Variants in NIPBL observed in about 807,000 individuals in gnomAD.
NIPBL encodes NIPBL cohesin loading factor, also known as nipped-B-like protein.
In NIPBL, 19 loss-of-function variants were observed where a neutral mutation model predicts 321.8. That is an observed-to-expected ratio of 0.06 (90% CI 0.04 to 0.09). The LOEUF is 0.09. Among genes scored for constraint, NIPBL ranks in the 10% least tolerant of loss-of-function variants. The probability of loss-of-function intolerance (pLI) is 1.00; values close to 1 mark genes in which losing one functional copy is unlikely to be tolerated. For missense variants in NIPBL, 2,210 were observed against 3,327.0 expected (o/e 0.66, Z 8.26); for synonymous variants, 1,106 against 1,114.1 (o/e 0.99, Z 0.14).
intron 27 of NIPBL, 30 bp from the exon 28 acceptor site, chr5:37,022,018 AAAT>A: frequency 6.4e-7 from 1 of 1,558,490 alleles, no homozygotes; most frequent in Non-Finnish European, 8.8e-7. Flanking sequence ...ATGTATTCTA[AAAT>A]TTACAAAAAT....
chr5:36,973,044 T>C (rs1017480732), intron 8 of NIPBL, among the ~76,000 whole-genome samples: 1 of 152,192 alleles, frequency 6.6e-6, no homozygotes, highest in African/African-American at 2.4e-5. Context: ...ATTCACAAAA[T>C]TGTGAATTTA....
In NIPBL at chr5:36,958,181, G is replaced by A; in HGVS notation, c.308G>A (p.Ser103Asn). 1.9e-6 allele frequency: 3 copies of A among 1,613,948 alleles called. No individual in the cohort carries two copies. Among genetic ancestry groups the A allele is most frequent in the Non-Finnish European group, 2.5e-6 (3 of 1,179,948 alleles). The change falls in exon 4 of 47, where the codon AGT (serine) becomes AAT (asparagine). Residue 103 changes from serine (S) to asparagine (N), a missense_variant. By Grantham distance (46) the Ser-to-Asn change is conservative (BLOSUM62 1). Transcript: ENST00000282516. ...PVLLQAVLAR[S>N]PNVFREKSMQ... ...TTGTTGCAGGCCGTCCTGGCAAGGA[G>A]TCCTAATGTTTTCAGGGAGAAAAGC...
Position 37,006,461 on chromosome 5 carries a change from C to A in NIPBL, c.3960C>A (p.Ser1320=). The change falls in exon 17 of 47, where the codon TCC becomes TCA. Residue 1320 remains serine (S), a synonymous_variant. Coordinates refer to ENST00000282516, the MANE Select transcript of NIPBL (RefSeq NM_133433.4). Reference sequence around the variant, plus strand: ...TTACAACTATCAACATTATGACATCCCCTAACATGCCAAAAGCTGTGTACA... The same window carrying A: ...TTACAACTATCAACATTATGACATCACCTAACATGCCAAAAGCTGTGTACA... ...ACLTTINIMT[S]PNMPKAVYIE... is the part of the protein sequence containing the mutation. 6.2e-7 allele frequency: 1 copy of A among 1,611,824 alleles called. No homozygotes were observed. Among genetic ancestry groups the A allele is most frequent in the Non-Finnish European group, 8.5e-7 (1 of 1,178,212 alleles).
intron 1 of NIPBL, among the ~76,000 whole-genome samples, chr5:36,943,703 A>G (rs1219500081): frequency 6.6e-6 from 1 of 152,166 alleles, no homozygotes; most frequent in African/African-American, 2.4e-5. Flanking sequence ...CAGAAGCACT[A>G]TTTTAAAATC....
intron 32 of NIPBL, among the ~76,000 whole-genome samples, chr5:37,034,320 A>G (rs1490542631): frequency 6.6e-6 from 1 of 152,234 alleles, no homozygotes; most frequent in Admixed American, 6.5e-5. Context: ...TCATAAAATT[A>G]TCTCATAAAA....
chr5:36,946,574 C>CTG (rs199772420), intron 1 of NIPBL, among the ~76,000 whole-genome samples: 1,340 of 75,628 alleles, frequency 0.018, 11 homozygotes, highest in African/African-American at 0.08. Flanking sequence ...ATGCATGTGT[C>CTG]TGTGTGTGTG....
chr5:36,988,329 T>G (rs758941067), intron 10 of NIPBL, among the ~76,000 whole-genome samples: 1 of 152,152 alleles, frequency 6.6e-6, no homozygotes, highest in Non-Finnish European at 1.5e-5. Context: ...TAGAGTGATG[T>G]GTGTGTATGT....
At chr5:37,052,322 T>C in intron 41 of NIPBL, 44 bp from the exon 42 acceptor site, 1 of 1,473,872 alleles carries the variant, frequency 6.8e-7, no homozygotes, top group Non-Finnish European at 9.5e-7. Flanking sequence ...TTAATTTGTG[T>C]CTTTTAATTT....
At position 36,921,253 on chromosome 5, in the gene NIPBL, CT is replaced by C. The variant is rs1561388122; in HGVS notation, c.-79-32364del. On this transcript the variant is annotated intron_variant, in intron 1 of 46. Transcript: ENST00000282516. ...ATATTTCCATGAGTACATATTGATT[CT>C]GGTTTGACTACTATTTTGAAATAGA... 2.0e-5 allele frequency among the ~76,000 whole-genome samples: 3 copies of C among 151,512 alleles called. No individual in the cohort carries two copies. In the South Asian group the frequency reaches 6.2e-4, roughly 32 times the overall value.
At chr5:36,949,244 T>C (rs1183840442) in intron 1 of NIPBL, among the ~76,000 whole-genome samples, 1 of 151,886 alleles carries the variant, frequency 6.6e-6, no homozygotes, top group Non-Finnish European at 1.5e-5. Context: ...CACAGCCTAA[T>C]TAATATTTTT....
At chr5:37,033,730 A>ATATTTTTTT (rs775482943) in intron 32 of NIPBL, among the ~76,000 whole-genome samples, 1 of 21,506 alleles carries the variant, frequency 4.6e-5, no homozygotes, top group African/African-American at 2.0e-4. Flanking sequence ...ATATATATAT[A>ATATTTTTTT]TTTTTTTTTT....
At chr5:37,038,848 TTAC>T (rs2149721717) in intron 34 of NIPBL, 110 bp downstream of exon 34, 2 of 1,094,856 alleles carry the variant, frequency 1.8e-6, no homozygotes, top group African/African-American at 3.1e-5. Flanking sequence ...ACTGTGTCAT[TTAC>T]TTAGATATAT....
At chr5:36,894,348 A>G (rs913374477) in intron 1 of NIPBL, among the ~76,000 whole-genome samples, 5 of 152,166 alleles carry the variant, frequency 3.3e-5, no homozygotes, top group Non-Finnish European at 2.9e-5. Context: ...AAAAAACTCT[A>G]TTTATATGAG....
chr5:37,002,732 T>G lies in NIPBL; in HGVS notation c.3735T>G (p.Ser1245=). The change falls in exon 15 of 47, where the codon TCT becomes TCG. Residue 1245 remains serine, a synonymous_variant. Coordinates refer to ENST00000282516, the MANE Select transcript of NIPBL (RefSeq NM_133433.4). The stretch of plus-strand genomic sequence containing the variant: ...AGCTTAATGAACTTGGCAGTGAATC[T>G]GCTAAAATAAAAGCAATGGGTATAA... ...KHQLNELGSE[S]AKIKAMGIMD... 6.2e-7 allele frequency: 1 copy of G among 1,611,254 alleles called. No homozygotes were observed. The highest frequency in any genetic ancestry group is 8.5e-7 in the Non-Finnish European group (1 of 1,177,774).
chr5:36,991,930 C>T (rs181509182), intron 10 of NIPBL, among the ~76,000 whole-genome samples: 1 of 152,130 alleles, frequency 6.6e-6, no homozygotes, highest in East Asian at 1.9e-4. Flanking sequence ...AAACAGAACA[C>T]ATTGTTAGTT....
chr5:36,967,420 A>G (rs1742324700), intron 6 of NIPBL, among the ~76,000 whole-genome samples: 2 of 152,202 alleles, frequency 1.3e-5, no homozygotes, highest in African/African-American at 4.8e-5. Flanking sequence ...GGATAAAAAC[A>G]TACTCAGACT....
chr5:36,959,376 A>G (rs1025062485), intron 4 of NIPBL, among the ~76,000 whole-genome samples: 4 of 152,142 alleles, frequency 2.6e-5, no homozygotes, highest in Non-Finnish European at 5.9e-5. Context: ...AAGCAATTGC[A>G]TAGTTACTAT....
rs564619805 is a variant in NIPBL, at chr5:36,886,886, T to A, written c.-80+9708T>A. ...TATATAGCCTTTTATGTCTTTTTTT[T>A]AAATTTAGCAGAAAGCTTCTGAGAT... is the stretch of plus-strand genomic sequence containing the variant. On this transcript the variant is annotated intron_variant, in intron 1 of 46. Transcript: ENST00000282516. 3.7e-4 allele frequency among the ~76,000 whole-genome samples: 57 copies of A among 152,234 alleles called. No individual in the cohort carries two copies. The South Asian group carries it at 7.9e-3, about 21-fold the overall frequency.
intron 8 of NIPBL, among the ~76,000 whole-genome samples, chr5:36,975,529 G>A (rs567191799): frequency 5.9e-5 from 9 of 152,122 alleles, no homozygotes; most frequent in African/African-American, 2.2e-4. Flanking sequence ...AATAATACTG[G>A]TCTGAAAAAT....
Sources: gnomAD v4.1 joint callset for allele counts (sites outside exome capture counted in the v4.1 genomes callset) on GRCh38, gnomAD v4.1.1 for gene constraint, MANE v1.5 for transcripts, NCBI Gene and HGNC (gene_info 2026-07-23, HGNC 2026-07-21) for gene names.